The following GLIS3 variants were observed in gnomAD, a reference collection of about 807,000 sequenced individuals.
GLIS3 encodes GLIS family zinc finger 3, also known as zinc finger protein GLIS3.
In GLIS3, 53 loss-of-function variants were observed where a neutral mutation model predicts 78.6. The ratio of observed to expected loss-of-function variants is 0.67; its 90% CI spans 0.54 to 0.85. The LOEUF is 0.85. GLIS3 is among the 40% of genes least tolerant of loss of function. GLIS3 has a pLI of 0.00. For missense variants in GLIS3, 1,703 were observed against 1,231.1 expected (o/e 1.38, Z -5.74); for synonymous variants, 684 against 509.9 (o/e 1.34, Z -4.60).
intron 4 of GLIS3, among the ~76,000 whole-genome samples, chr9:3,979,151 G>T (rs1273515679): frequency 6.6e-6 from 1 of 152,098 alleles, no homozygotes; most frequent in Non-Finnish European, 1.5e-5. Flanking sequence ...TTTCTTAGAA[G>T]CATCTTCTCC....
At chr9:4,048,164 G>C (rs1335479879) in intron 4 of GLIS3, among the ~76,000 whole-genome samples, 1 of 152,178 alleles carries the variant, frequency 6.6e-6, no homozygotes, top group African/African-American at 2.4e-5. Flanking sequence ...AGAAGAGTGA[G>C]GGGTAATGAC....
the GLIS3 span, among the ~76,000 whole-genome samples, chr9:4,378,612 T>C: frequency 1.3e-5 from 2 of 152,120 alleles, no homozygotes; most frequent in African/African-American, 4.8e-5. Flanking sequence ...ATATATATAA[T>C]GAAAACAGAA....
intron 2 of GLIS3, among the ~76,000 whole-genome samples, chr9:4,320,950 G>A (rs948900377): frequency 6.6e-6 from 1 of 151,846 alleles, no homozygotes; most frequent in Non-Finnish European, 1.5e-5. Context: ...TTTTTCAATG[G>A]CTCCCACAGC....
chr9:3,987,837 C>A (rs980673487), intron 4 of GLIS3, among the ~76,000 whole-genome samples: 1 of 121,310 alleles, frequency 8.2e-6, no homozygotes. Context: ...GAATCCAAAC[C>A]AGATAAACTC....
chr9:4,013,260 A>G (rs1174370190), intron 4 of GLIS3, among the ~76,000 whole-genome samples: 2 of 152,148 alleles, frequency 1.3e-5, no homozygotes, highest in Non-Finnish European at 2.9e-5. Context: ...CAGCTTAAAG[A>G]CTTACGTGAC....
At chr9:4,293,151 G>A (rs928024464) in intron 1 of GLIS3, among the ~76,000 whole-genome samples, 2 of 152,170 alleles carry the variant, frequency 1.3e-5, no homozygotes, top group South Asian at 4.1e-4. Flanking sequence ...TTATCCTTTA[G>A]TCTGTGTAAC....
At chr9:4,195,174 T>C (rs1289253391) in intron 2 of GLIS3, among the ~76,000 whole-genome samples, 1 of 152,232 alleles carries the variant, frequency 6.6e-6, no homozygotes, top group East Asian at 1.9e-4. Context: ...CAGCGCCTCC[T>C]CGGCCTCGGC....
Position 3,932,414 on chromosome 9 carries a change from G to A in GLIS3, c.1929C>T (p.Ser643=), listed in dbSNP as rs764788688. The A allele has an allele frequency of 6.2e-7, 1 of 1,613,874 alleles. No individual in the cohort carries two copies. Among genetic ancestry groups the A allele is most frequent in the East Asian group, 2.2e-5 (1 of 44,850 alleles). The change falls in exon 6 of 11, where the codon TCC becomes TCT. Residue 643 remains serine, a synonymous_variant. Transcript: ENST00000381971. ...GCTKRYTDPS[S]LRKHVKAHSS... ...AATGTGCCTTCACATGCTTTCTTAG[G>A]GAACTTGGGTCTGTGTAGCGTTTGG...
chr9:4,443,369 C>A, the GLIS3 span, among the ~76,000 whole-genome samples: 12 of 152,102 alleles, frequency 7.9e-5, no homozygotes, highest in African/African-American at 2.9e-4. Context: ...ATCTACTTTT[C>A]CAATTTGACC....
the GLIS3 span, among the ~76,000 whole-genome samples, chr9:4,465,508 C>T: frequency 6.6e-6 from 1 of 150,582 alleles, no homozygotes; most frequent in Non-Finnish European, 1.5e-5. Context: ...AAGATCATGC[C>T]ATTGCACTCC....
chr9:4,484,484 T>G, the GLIS3 span, among the ~76,000 whole-genome samples: 1 of 137,168 alleles, frequency 7.3e-6, no homozygotes, highest in South Asian at 2.4e-4. Context: ...AGTGGCTCAG[T>G]CTCAGCTCAC....
intron 4 of GLIS3, among the ~76,000 whole-genome samples, chr9:4,109,012 G>C (rs1353605407): frequency 6.6e-6 from 1 of 152,130 alleles, no homozygotes; most frequent in Admixed American, 6.5e-5. Context: ...GAGAGACATG[G>C]GGTTCTATGG....
intron 2 of GLIS3, among the ~76,000 whole-genome samples, chr9:4,264,926 G>C (rs970889382): frequency 3.3e-5 from 5 of 152,024 alleles, no homozygotes; most frequent in African/African-American, 1.2e-4. Context: ...CAGCACGGTG[G>C]GATGCCCAGG....
intron 4 of GLIS3, among the ~76,000 whole-genome samples, chr9:4,019,996 G>A (rs1822751077): frequency 6.6e-6 from 1 of 152,094 alleles, no homozygotes; most frequent in Non-Finnish European, 1.5e-5. Flanking sequence ...GGCCTCAAGT[G>A]ATCCACCTCC....
rs1386479750 is a variant in GLIS3 at position 4,118,575 on chromosome 9, T to C, written c.903A>G (p.Arg301=). The part of the protein sequence containing the change: ...TRSHSARSKK[R]ALSLSPLSDG... The stretch of plus-strand genomic sequence containing the variant: ...CGGACAGCGGGGACAAGGACAGCGC[T>C]CTCTTCTTGGAGCGGGCCGAGTGGG... The change falls in exon 4 of 11, where the codon AGA becomes AGG. Residue 301 remains arginine (R), a synonymous_variant. Coordinates refer to ENST00000381971, the MANE Select transcript of GLIS3 (RefSeq NM_001042413.2). This position sits in a 1 kb window ranked among gnomAD's most constrained non-coding sequence, Gnocchi z 4.7. 3 of 1,614,130 alleles carry C rather than the reference T, an allele frequency of 1.9e-6. No homozygotes were observed. The highest frequency in any genetic ancestry group is 2.2e-5 in the South Asian group (2 of 91,080).
At chr9:4,454,998 A>G in the GLIS3 span, among the ~76,000 whole-genome samples, 1 of 152,332 alleles carries the variant, frequency 6.6e-6, no homozygotes, top group East Asian at 1.9e-4. Context: ...AAGAATTAAG[A>G]AGTGCTTAGT....
intron 4 of GLIS3, among the ~76,000 whole-genome samples, chr9:4,023,931 G>A (rs1254388251): frequency 1.3e-5 from 2 of 151,924 alleles, no homozygotes; most frequent in African/African-American, 4.8e-5. Context: ...CAGGGTATAG[G>A]CTGGATCCAG....
At chr9:4,020,288 GTTTGT>G (rs1456676468) in intron 4 of GLIS3, among the ~76,000 whole-genome samples, 7 of 152,088 alleles carry the variant, frequency 4.6e-5, no homozygotes, top group African/African-American at 1.4e-4. Context: ...GGAAAGTTCT[GTTTGT>G]TTTGTTTTTT....
chr9:4,101,781 C>T (rs1403434753), intron 4 of GLIS3, among the ~76,000 whole-genome samples: 2 of 152,106 alleles, frequency 1.3e-5, no homozygotes, highest in African/African-American at 4.8e-5. Context: ...AAAGTTGGGT[C>T]ATGATGGAAA....
Sources: allele counts gnomAD v4.1 joint callset (sites outside exome capture counted in the v4.1 genomes callset), GRCh38; gene constraint gnomAD v4.1.1; non-coding constraint Gnocchi (gnomAD v3.1); transcripts MANE v1.5; gene names NCBI Gene and HGNC (gene_info 2026-07-23, HGNC 2026-07-21).